PLAGL1: variants seen among roughly 807,000 people sequenced by gnomAD.
PLAGL1 encodes the protein zinc finger protein PLAGL1.
PLAGL1 carries 1 observed loss-of-function variant against 4.6 expected under a neutral mutation model. That is an observed-to-expected ratio of 0.22 (90% confidence interval 0.08 to 1.03). The LOEUF (loss-of-function observed/expected upper bound fraction) is 1.03, where lower values mean the gene tolerates loss of function less well. Among genes scored for constraint, PLAGL1 ranks in the 50% least tolerant of loss-of-function variants. PLAGL1 has a pLI of 0.58. For synonymous variants in PLAGL1, 240 were observed against 237.8 expected, an observed-to-expected ratio of 1.01 and a Z score of -0.08; for missense variants, 464 against 570.4, an observed-to-expected ratio of 0.81 and a Z score of 1.90.
At chr6:144,026,184 T>C (rs1487420392) in intron 1 of PLAGL1, among the ~76,000 whole-genome samples, 3 of 152,200 alleles carry the variant, frequency 2.0e-5, no homozygotes, top group Non-Finnish European at 4.4e-5. Flanking sequence ...TGTATGTGTG[T>C]GTGTCCTGGA....
intron 1 of PLAGL1, among the ~76,000 whole-genome samples, chr6:144,032,002 T>C (rs138950417): frequency 0.014 from 2,110 of 152,308 alleles, 32 homozygotes; most frequent in Non-Finnish European, 0.019. Context: ...TGTTTCCATT[T>C]CTTTGTGTCA....
Position 144,015,709 on chromosome 6 carries a change from G to C in PLAGL1, c.-150-46731C>G, listed in dbSNP as rs1283113459. Among the ~76,000 whole-genome samples the C allele has an allele frequency of 6.6e-6, 1 of 152,148 alleles. No individual in the cohort carries two copies. The highest frequency in any genetic ancestry group is 2.1e-4 in the South Asian group (1 of 4,836). On this transcript the variant is annotated intron_variant, in intron 1 of 3. Coordinates refer to the PLAGL1 transcript ENST00000437412. This position sits in a 1 kb window ranked among gnomAD's most constrained non-coding sequence, Gnocchi z 4.3. The stretch of plus-strand genomic sequence containing the variant: ...CTACATACCCACTGGAAAGGCTAAA[G>C]TTGAAAAGACTGAAAATACCAAGGG...
In PLAGL1 at chr6:144,061,784, C is replaced by T. The variant is rs1363270510; in HGVS notation, c.-151+2684G>A. ...AATTTTATCAAGTTCCTTCCTCCTC[C>T]CAATCTCCCTCTTCTAGTTATTCCT... On this transcript the variant is annotated intron_variant, in intron 1 of 3. Coordinates refer to the PLAGL1 transcript ENST00000437412. The surrounding 1 kb of genome is among the most constrained non-coding windows in gnomAD (Gnocchi z 4.4). Among the ~76,000 whole-genome samples, 1 of 152,176 alleles carries T rather than the reference C, an allele frequency of 6.6e-6. No homozygotes were observed. Among genetic ancestry groups the T allele is most frequent in the Non-Finnish European group, 1.5e-5 (1 of 68,030 alleles).
At position 144,040,915 on chromosome 6, in the gene PLAGL1, T is replaced by C. The variant is rs188790937; in HGVS notation, c.-151+23553A>G. On this transcript the variant is annotated intron_variant, in intron 1 of 3. Coordinates refer to the PLAGL1 transcript ENST00000437412. ...AAAACAAAACAAAAAAGCAAAGTAA[T>C]AGGAGATGAAGAAGTAAAGATAGCC... Among the ~76,000 whole-genome samples the C allele has an allele frequency of 1.6e-3, 239 of 151,962 alleles. 1 individual carries two copies. Among genetic ancestry groups the C allele is most frequent in the African/African-American group, 5.4e-3 (224 of 41,434 alleles).
intron 1 of PLAGL1, among the ~76,000 whole-genome samples, chr6:144,042,252 T>A (rs948595719): frequency 2.0e-5 from 3 of 152,224 alleles, no homozygotes; most frequent in African/African-American, 7.2e-5. Context: ...TCCTTGCCCA[T>A]CCTATGTCCT....
intron 1 of PLAGL1, among the ~76,000 whole-genome samples, chr6:144,025,776 C>A (rs529851010): frequency 1.3e-5 from 2 of 152,028 alleles, no homozygotes; most frequent in East Asian, 3.9e-4. Flanking sequence ...ACCTGTAATC[C>A]CAGCTACTCA....
At chr6:144,058,660 C>A (rs1383215524) in intron 1 of PLAGL1, among the ~76,000 whole-genome samples, 1 of 152,148 alleles carries the variant, frequency 6.6e-6, no homozygotes, top group Non-Finnish European at 1.5e-5. Flanking sequence ...ATTCCCATTT[C>A]TAAAGGGATA....
chr6:144,004,488 AAAG>A lies in PLAGL1; in HGVS notation c.-584+3599_-584+3601del, dbSNP rs1268345107. Reference sequence around the variant, plus strand: ...AACATGGATGAATACAATGTGAACAAAAGAATAAACTGTATGACTCCGTTTATA... The same window carrying A: ...AACATGGATGAATACAATGTGAACAAAATAAACTGTATGACTCCGTTTATA... On this transcript the variant is annotated intron_variant, in intron 1 of 7. Coordinates refer to ENST00000674357, the MANE Select transcript of PLAGL1 (RefSeq NM_001317162.2). The surrounding 1 kb of genome is among the most constrained non-coding windows in gnomAD (Gnocchi z 4.2). Among the ~76,000 whole-genome samples the A allele has an allele frequency of 6.6e-6, 1 of 152,270 alleles. No homozygotes were observed. Among genetic ancestry groups the A allele is most frequent in the Admixed American group, 6.5e-5 (1 of 15,288 alleles).
Position 144,013,551 on chromosome 6 carries a change from G to A in PLAGL1, c.-150-44573C>T, listed in dbSNP as rs913890989. ...AACATGAAATTTATTTTCTGAGTCCGAAAGGCCAGAAGTCTGAAATCAAGA... is the reference window on the plus strand; with the variant it reads ...AACATGAAATTTATTTTCTGAGTCCAAAAGGCCAGAAGTCTGAAATCAAGA... On this transcript the variant is annotated intron_variant, in intron 1 of 3. Coordinates refer to the PLAGL1 transcript ENST00000437412. The surrounding 1 kb of genome is among the most constrained non-coding windows in gnomAD (Gnocchi z 4.4). 1.3e-5 allele frequency among the ~76,000 whole-genome samples: 2 copies of A among 152,164 alleles called. No homozygotes were observed. Among genetic ancestry groups the A allele is most frequent in the Non-Finnish European group, 2.9e-5 (2 of 68,022 alleles).
chr6:143,948,174 G>A lies in PLAGL1; in HGVS notation c.-38C>T. On this transcript the variant is annotated 5_prime_UTR_variant, in exon 7 of 8. The change creates a premature stop within an existing upstream ORF in the 5' untranslated region. Coordinates refer to ENST00000674357, the MANE Select transcript of PLAGL1 (RefSeq NM_001317162.2). The surrounding 1 kb of genome is among the most constrained non-coding windows in gnomAD (Gnocchi z 6.0). ...TCACACCTTCCTTTTCAGATGTGCT[G>A]ACCAAATGCTGTGCCATTTAAGCAC... The A allele has an allele frequency of 6.3e-7, 1 of 1,594,524 alleles. No individual in the cohort carries two copies. The highest frequency in any genetic ancestry group is 2.2e-5 in the East Asian group (1 of 44,646).
chr6:144,062,470 CAAAAAAAAAAAAAAAA>C (rs543521128), intron 1 of PLAGL1, among the ~76,000 whole-genome samples: 2 of 75,700 alleles, frequency 2.6e-5, no homozygotes, highest in African/African-American at 1.0e-4. Flanking sequence ...GTTATCAGAC[CAAAAAAAAAAAAAAAA>C]AAAAAAAAAC....
At chr6:144,040,358 G>A (rs553265720) in intron 1 of PLAGL1, among the ~76,000 whole-genome samples, 1 of 150,552 alleles carries the variant, frequency 6.6e-6, no homozygotes, top group East Asian at 2.0e-4. Context: ...GTGAAATCCT[G>A]GCTCTATTAA....
At chr6:144,037,700 A>G (rs1583824427) in intron 1 of PLAGL1, 1 of 46,224 alleles carries the variant, frequency 2.2e-5, no homozygotes, top group East Asian at 3.6e-4. Context: ...CAACATTATG[A>G]ACTATGTTTT....
chr6:144,019,842 A>T (rs1449043238), intron 1 of PLAGL1, among the ~76,000 whole-genome samples: 3 of 151,884 alleles, frequency 2.0e-5, no homozygotes, highest in African/African-American at 7.3e-5. Flanking sequence ...TCTGATTATG[A>T]TGTTCCTTTA....
At chr6:143,977,395 A>G (rs1338391383) in intron 2 of PLAGL1, among the ~76,000 whole-genome samples, 1 of 144,424 alleles carries the variant, frequency 6.9e-6, no homozygotes, top group Non-Finnish European at 1.5e-5. Context: ...AGTAATACAC[A>G]TTTAATTTTC....
chr6:143,989,177 G>A lies in PLAGL1; in HGVS notation c.-583-4003C>T, dbSNP rs1360246167. 1.3e-5 allele frequency among the ~76,000 whole-genome samples: 2 copies of A among 152,228 alleles called. No individual in the cohort carries two copies. The highest frequency in any genetic ancestry group is 2.1e-4 in the South Asian group (1 of 4,816). On this transcript the variant is annotated intron_variant, in intron 1 of 7. Transcript: ENST00000674357. This position sits in a 1 kb window ranked among gnomAD's most constrained non-coding sequence, Gnocchi z 4.8. ...TCAGTGTGTCTGGGGGTGCCCCAGG[G>A]GACATTAAAAACGCACAGAAACAAT...
At position 143,979,561 on chromosome 6, in the gene PLAGL1, G is replaced by A. The variant is rs1787441573; in HGVS notation, c.-544+5574C>T. 6.6e-6 allele frequency among the ~76,000 whole-genome samples: 1 copy of A among 151,882 alleles called. No individual in the cohort carries two copies. Among genetic ancestry groups the A allele is most frequent in the Non-Finnish European group, 1.5e-5 (1 of 67,910 alleles). ...TTAACTTACCATGGTGTACTTCCAA[G>A]GGATATACCAGTTCATGTAGAGTAT... On this transcript the variant is annotated intron_variant, in intron 2 of 7. Coordinates refer to ENST00000674357, the MANE Select transcript of PLAGL1 (RefSeq NM_001317162.2). The surrounding 1 kb of genome is among the most constrained non-coding windows in gnomAD (Gnocchi z 4.6).
chr6:143,994,051 A>G lies in PLAGL1; in HGVS notation c.-583-8877T>C, dbSNP rs1791129827. On this transcript the variant is annotated intron_variant, in intron 1 of 7. Transcript: ENST00000674357. The surrounding 1 kb of genome is among the most constrained non-coding windows in gnomAD (Gnocchi z 4.3). ...ATATATGGCTAAGGAAAAAAAAAAA[A>G]AGAAAAGAACTCCCTAGGGGCAAGG... is the stretch of plus-strand genomic sequence containing the variant. 6.6e-6 allele frequency among the ~76,000 whole-genome samples: 1 copy of G among 151,992 alleles called. No individual in the cohort carries two copies. The highest frequency in any genetic ancestry group is 2.1e-4 in the South Asian group (1 of 4,828).
At chr6:144,020,179 C>T (rs1397563873) in intron 1 of PLAGL1, among the ~76,000 whole-genome samples, 3 of 152,204 alleles carry the variant, frequency 2.0e-5, no homozygotes, top group Admixed American at 2.0e-4. Context: ...TCACCACACA[C>T]TGAATCTGAC....
Sources: gnomAD v4.1 joint callset for allele counts (sites outside exome capture counted in the v4.1 genomes callset) on GRCh38, gnomAD v4.1.1 for gene constraint, Gnocchi (gnomAD v3.1) non-coding constraint, MANE v1.5 for transcripts, NCBI Gene and HGNC (gene_info 2026-07-23, HGNC 2026-07-21) for gene names.